BIN1: variants seen among roughly 807,000 people sequenced by gnomAD.
BIN1 encodes the protein bridging integrator 1.
In BIN1, 53 loss-of-function variants were observed where a neutral mutation model predicts 82.0. That is an observed-to-expected ratio of 0.65 (90% CI 0.52 to 0.81). BIN1 has a LOEUF of 0.81. Among genes scored for constraint, BIN1 ranks in the 40% least tolerant of loss-of-function variants. The probability of loss-of-function intolerance (pLI) is 0.00; values close to 1 mark genes in which losing one functional copy is unlikely to be tolerated. For synonymous variants in BIN1, 302 were observed against 328.0 expected (o/e 0.92, Z 0.86); for missense variants, 642 against 784.4 (o/e 0.82, Z 2.17).
chr2:127,063,812 CCG>C, intron 8 of BIN1, 119 bp downstream of exon 8: 1 of 1,441,304 alleles, frequency 6.9e-7, no homozygotes, highest in Non-Finnish European at 9.7e-7. Flanking sequence ...AGGCTGGGCA[CCG>C]CAGCACGCAG....
At chr2:127,102,796 T>C (rs113798421) in intron 1 of BIN1, among the ~76,000 whole-genome samples, 11 of 152,108 alleles carry the variant, frequency 7.2e-5, no homozygotes, top group African/African-American at 2.2e-4. Context: ...CCCTGCAGGG[T>C]GAGATGAACC....
At chr2:127,100,012 A>C (rs1187258613) in intron 1 of BIN1, among the ~76,000 whole-genome samples, 4 of 150,846 alleles carry the variant, frequency 2.7e-5, no homozygotes, top group Admixed American at 2.6e-4. Context: ...CATGTTGGCC[A>C]GCTGTGGTCT....
intron 1 of BIN1, among the ~76,000 whole-genome samples, chr2:127,095,274 G>C (rs1217422709): frequency 6.6e-6 from 1 of 152,210 alleles, no homozygotes; most frequent in Non-Finnish European, 1.5e-5. Context: ...TTTGTGGGAG[G>C]TGGGAGGTAT....
Position 127,070,644 on chromosome 2 carries a change from A to C in BIN1, c.224T>G (p.Met75Arg). 1 of 1,614,074 alleles carries C rather than the reference A, an allele frequency of 6.2e-7. No individual in the cohort carries two copies. Among genetic ancestry groups the C allele is most frequent in the Non-Finnish European group, 8.5e-7 (1 of 1,180,016 alleles). The change falls in exon 4 of 19, where the codon ATG (methionine) becomes AGG (arginine). Residue 75 changes from methionine to arginine, a missense_variant. Coordinates refer to ENST00000316724, the MANE Select transcript of BIN1 (RefSeq NM_139343.3). ...LRTYLASVKA[M>R]HEASKKLNEC... Reference sequence around the variant, plus strand: ...ATTCAGCTTCTTGGAAGCCTCGTGCATGGCTGTGGGGCAGAAAGGAAGTAT... The same window carrying C: ...ATTCAGCTTCTTGGAAGCCTCGTGCCTGGCTGTGGGGCAGAAAGGAAGTAT...
intron 1 of BIN1, among the ~76,000 whole-genome samples, chr2:127,084,608 C>T (rs998649170): frequency 2.6e-5 from 4 of 152,208 alleles, no homozygotes; most frequent in Admixed American, 1.3e-4. Context: ...TGCTCAGAGC[C>T]GCAGATTATT....
chr2:127,052,892 T>C (rs1683147119), intron 14 of BIN1: 1 of 247,008 alleles, frequency 4.0e-6, no homozygotes, highest in Non-Finnish European at 8.0e-6. Flanking sequence ...GACAGTGACA[T>C]GGTGCTGTGT....
chr2:127,052,407 C>T (rs1394135813), intron 14 of BIN1, 45 bp from the exon 15 acceptor site: 1 of 1,522,264 alleles, frequency 6.6e-7, no homozygotes, highest in Non-Finnish European at 8.9e-7. Flanking sequence ...GGCGGGGAGG[C>T]CGGGGTGGAA....
intron 1 of BIN1, among the ~76,000 whole-genome samples, chr2:127,106,305 T>A (rs1433209755): frequency 6.6e-6 from 1 of 152,078 alleles, no homozygotes; most frequent in East Asian, 1.9e-4. Context: ...GGAAACCCAA[T>A]CCCTCCTTCG....
In BIN1 at chr2:127,073,006, C is replaced by T. The variant is rs533176301; in HGVS notation, c.166-2190G>A. 4.6e-5 allele frequency among the ~76,000 whole-genome samples: 7 copies of T among 152,364 alleles called. No homozygotes were observed. In the South Asian group the frequency reaches 1.4e-3, roughly 32 times the overall value. The stretch of plus-strand genomic sequence containing the variant: ...CAGGCCTCCACCATCCCAGCCACAC[C>T]TCTCACGCCGTCCCCACCTCCCCCC... On this transcript the variant is annotated intron_variant, in intron 2 of 18. Coordinates refer to ENST00000316724, the MANE Select transcript of BIN1 (RefSeq NM_139343.3).
Position 127,048,503 on chromosome 2 carries a change from C to G in BIN1, c.*23G>C, listed in dbSNP as rs760148632. 6.2e-7 allele frequency: 1 copy of G among 1,610,592 alleles called. No individual in the cohort carries two copies. Among genetic ancestry groups the G allele is most frequent in the Admixed American group, 1.7e-5 (1 of 60,012 alleles). On this transcript the variant is annotated 3_prime_UTR_variant, in exon 19 of 19. Coordinates refer to ENST00000316724, the MANE Select transcript of BIN1 (RefSeq NM_139343.3). ...CGGGAGGAGGTGTTCTTCACACGCC[C>G]GGAGGCTGCCTGGGCCCCGCCGTCA...
chr2:127,059,115 G>A lies in BIN1; in HGVS notation c.898C>T (p.Pro300Ser), dbSNP rs766221202. 2 of 1,593,782 alleles carry A rather than the reference G, an allele frequency of 1.3e-6. No homozygotes were observed. Among genetic ancestry groups the A allele is most frequent in the Non-Finnish European group, 1.7e-6 (2 of 1,171,014 alleles). ...GGGGTGGCGGCAGGGGAGCCATCTGGAGGCGAAGGGCTCTTGTTCCCTTTT... is the reference window on the plus strand; with the variant it reads ...GGGGTGGCGGCAGGGGAGCCATCTGAAGGCGAAGGGCTCTTGTTCCCTTTT... ...PAKGNKSPSP[P>S]DGSPAATPEI... Residue 300 changes from proline (P) to serine (S), a missense_variant, in exon 11 of 19, where the codon CCA (proline) becomes TCA (serine). By Grantham distance (74) the Pro-to-Ser change is moderately conservative. Transcript: ENST00000316724. This position sits in a 1 kb window ranked among gnomAD's most constrained non-coding sequence, Gnocchi z 6.7.
At chr2:127,069,154 G>T in intron 5 of BIN1, 123 bp from the exon 6 acceptor site, 1 of 876,588 alleles carries the variant, frequency 1.1e-6, no homozygotes, top group Non-Finnish European at 1.8e-6. Flanking sequence ...GAACCCTTGA[G>T]CCCTTGTTGC....
Position 127,059,642 on chromosome 2 carries a change from C to G in BIN1, c.858-487G>C, listed in dbSNP as rs1032616485. Among the ~76,000 whole-genome samples, 20 of 152,194 alleles carry G rather than the reference C, an allele frequency of 1.3e-4. No homozygotes were observed. Among genetic ancestry groups the G allele is most frequent in the Non-Finnish European group, 1.5e-5 (1 of 68,022 alleles). ...TGCTGCCCTCCCTGCCTGTCCATCA[C>G]AGCACCCTGGTACATGTCTCTAGAC... On this transcript the variant is annotated intron_variant, in intron 10 of 18. Coordinates refer to ENST00000316724, the MANE Select transcript of BIN1 (RefSeq NM_139343.3). This position sits in a 1 kb window ranked among gnomAD's most constrained non-coding sequence, Gnocchi z 6.7.
chr2:127,081,940 G>T, intron 1 of BIN1: 1 of 1,242,526 alleles, frequency 8.0e-7, no homozygotes, highest in Non-Finnish European at 1.0e-6. Flanking sequence ...GGCCACGGAG[G>T]CAGGATGCAC....
chr2:127,087,880 A>G (rs1678393729), intron 1 of BIN1, among the ~76,000 whole-genome samples: 1 of 152,078 alleles, frequency 6.6e-6, no homozygotes, highest in Non-Finnish European at 1.5e-5. Context: ...ACCATCCCCC[A>G]AGCTGAGTCT....
rs1181162154 is a variant in BIN1, at chr2:127,067,113, G to T, written c.612+1050C>A. ...AAAAAGAAATTGGACAGCAAGCCAT[G>T]CCAAGCCCACCCAGAGCTCTCCACG... On this transcript the variant is annotated intron_variant, in intron 7 of 18. Transcript: ENST00000316724. The surrounding 1 kb of genome is among the most constrained non-coding windows in gnomAD (Gnocchi z 4.7). 6.6e-6 allele frequency among the ~76,000 whole-genome samples: 1 copy of T among 151,396 alleles called. No homozygotes were observed. Among genetic ancestry groups the T allele is most frequent in the Non-Finnish European group, 1.5e-5 (1 of 67,864 alleles).
intron 10 of BIN1, chr2:127,060,786 G>A: frequency 1.8e-6 from 2 of 1,095,882 alleles, no homozygotes; most frequent in Non-Finnish European, 2.7e-6. Context: ...GCCTTGCACA[G>A]GGCCTGGGCG....
In BIN1 at chr2:127,101,806, C is replaced by CACACATGCATGCACAT. The variant is rs1019732243; in HGVS notation, c.84+5038_84+5053dup. 7.9e-5 allele frequency among the ~76,000 whole-genome samples: 12 copies of CACACATGCATGCACAT among 152,326 alleles called. No individual in the cohort carries two copies. In the East Asian group the frequency reaches 2.1e-3, roughly 27 times the overall value. ...CCTCCACCCCTGTACACTGCACCCA[C>CACACATGCATGCACAT]ACACATGCATGCACATACACTCACT... is the stretch of plus-strand genomic sequence containing the variant. On this transcript the variant is annotated intron_variant, in intron 1 of 18. Coordinates refer to ENST00000316724, the MANE Select transcript of BIN1 (RefSeq NM_139343.3).
chr2:127,091,488 G>A (rs1678917155), intron 1 of BIN1, among the ~76,000 whole-genome samples: 1 of 152,266 alleles, frequency 6.6e-6, no homozygotes, highest in Non-Finnish European at 1.5e-5. Flanking sequence ...GTCCAAGGCT[G>A]ATTCCACTGT....
Sources: allele counts gnomAD v4.1 joint callset (sites outside exome capture counted in the v4.1 genomes callset), GRCh38; gene constraint gnomAD v4.1.1; non-coding constraint Gnocchi (gnomAD v3.1); transcripts MANE v1.5; gene names NCBI Gene and HGNC (gene_info 2026-07-23, HGNC 2026-07-21).